The following INPP1 variants were observed in gnomAD, a reference collection of about 807,000 sequenced individuals.
The protein encoded by INPP1 is inositol polyphosphate-1-phosphatase, also known as inositol polyphosphate 1-phosphatase.
INPP1 carries 18 observed loss-of-function variants against 23.0 expected under a neutral mutation model. The ratio of observed to expected loss-of-function variants is 0.78; its 90% CI spans 0.54 to 1.16. INPP1 has a LOEUF of 1.16. Ranked by LOEUF, INPP1 falls within the 50% of genes most tolerant of loss-of-function variation. The pLI, the probability that INPP1 is intolerant of heterozygous loss-of-function variation, is 0.00. For missense variants in INPP1, 448 were observed against 482.1 expected, an observed-to-expected ratio of 0.93 and a Z score of 0.66; for synonymous variants, 164 against 176.3, an observed-to-expected ratio of 0.93 and a Z score of 0.55.
At chr2:190,366,335 CTCTG>C (rs1483749268) in intron 4 of INPP1, among the ~76,000 whole-genome samples, 3 of 151,524 alleles carry the variant, frequency 2.0e-5, no homozygotes, top group East Asian at 3.9e-4. Context: ...CACTCTCTCG[CTCTG>C]TCTCTCTCTT....
chr2:190,371,324 A>C lies in INPP1; in HGVS notation c.1122A>C (p.Ala374=). The C allele has an allele frequency of 2.5e-6, 4 of 1,588,832 alleles. No homozygotes were observed. The highest frequency in any genetic ancestry group is 3.4e-6 in the Non-Finnish European group (4 of 1,166,350). The part of the protein sequence containing the change: ...DRWANKGGLI[A]YRSRKRLETF... ...GGGCCAACAAGGGAGGACTCATTGC[A>C]TACAGATCCAGGAAGCGGCTGGAGA... Residue 374 remains alanine, a synonymous_variant, in exon 7 of 7, where the codon GCA becomes GCC. Transcript: ENST00000392329. This position sits in a 1 kb window ranked among gnomAD's most constrained non-coding sequence, Gnocchi z 5.3.
intron 4 of INPP1, among the ~76,000 whole-genome samples, chr2:190,364,275 C>G (rs576721071): frequency 1.3e-5 from 2 of 152,152 alleles, no homozygotes; most frequent in Admixed American, 1.3e-4. Context: ...CGCGGTGGCT[C>G]ACGCCTGTAA....
intron 4 of INPP1, among the ~76,000 whole-genome samples, chr2:190,364,412 G>A (rs1689597470): frequency 6.6e-6 from 1 of 151,768 alleles, no homozygotes; most frequent in Non-Finnish European, 1.5e-5. Context: ...CGTGGTGGCG[G>A]GCGCCTGTAG....
In INPP1 at chr2:190,351,728, G is replaced by T. The variant is rs564681195; in HGVS notation, c.-65+2697G>T. Among the ~76,000 whole-genome samples the T allele has an allele frequency of 3.3e-5, 5 of 152,140 alleles. No homozygotes were observed. The East Asian group carries it at 9.6e-4, about 29-fold the overall frequency. ...CCATTTTACTATTGATGCTTGTTTG[G>T]GTTATTACCAATGTTAGATTATTAC... On this transcript the variant is annotated intron_variant, in intron 2 of 6. Transcript: ENST00000392329.
chr2:190,360,280 G>A lies in INPP1; in HGVS notation c.178G>A (p.Val60Ile). The change falls in exon 3 of 7, where the codon GTT becomes ATT. Residue 60 changes from valine (V) to isoleucine (I), a missense_variant. Transcript: ENST00000392329. ...KTLADVLVQE[V>I]IKQNMENKFP... The stretch of plus-strand genomic sequence containing the variant: ...GCTGGCTGATGTACTGGTACAGGAA[G>A]TTATAAAACAGAATATGGAGAACAA... 6.2e-7 allele frequency: 1 copy of A among 1,614,174 alleles called. No individual in the cohort carries two copies.
chr2:190,356,527 AGCATTTGT>A lies in INPP1; in HGVS notation c.-64-3509_-64-3502del, dbSNP rs1261125494. The A allele has an allele frequency of 6.6e-6, 1 of 152,198 alleles. No homozygotes were observed. Among genetic ancestry groups the A allele is most frequent in the African/African-American group, 2.4e-5 (1 of 41,446 alleles). The allele number at this position is 152,198 out of a possible 1,614,324, so 9.4% of individuals were successfully genotyped here. A position where few individuals can be genotyped will look rare whatever the true frequency, so the allele number is the denominator to read the frequency against. On this transcript the variant is annotated intron_variant, in intron 2 of 6. Transcript: ENST00000392329. This position sits in a 1 kb window ranked among gnomAD's most constrained non-coding sequence, Gnocchi z 6.4. ...AAGAGGACAAATTCCAGATTACTGC[AGCATTTGT>A]GCTGAAACTCACCAGGGTTAAATTG...
chr2:190,371,252 G>A lies in INPP1; in HGVS notation c.1050G>A (p.Gln350=). The A allele has an allele frequency of 6.2e-7, 1 of 1,612,982 alleles. No homozygotes were observed. The highest frequency in any genetic ancestry group is 8.5e-7 in the Non-Finnish European group (1 of 1,179,252). ...RNPETGLDLP[Q]LVYHVENEGA... ...CAGAAACAGGGCTTGATTTGCCACAGTTGGTGTACCACGTGGAAAATGAGG... is the reference window on the plus strand; with the variant it reads ...CAGAAACAGGGCTTGATTTGCCACAATTGGTGTACCACGTGGAAAATGAGG... The change falls in exon 7 of 7, where the codon CAG becomes CAA. Residue 350 remains glutamine, a synonymous_variant. Coordinates refer to ENST00000392329, the MANE Select transcript of INPP1 (RefSeq NM_001128928.2). The surrounding 1 kb of genome is among the most constrained non-coding windows in gnomAD (Gnocchi z 5.3).
rs2067404 is a variant in INPP1, at chr2:190,360,201, C to A, written c.99C>A (p.Ile33=). The A allele has an allele frequency of 8.1e-6, 13 of 1,613,936 alleles. No individual in the cohort carries two copies. The highest frequency in any genetic ancestry group is 1.1e-5 in the Non-Finnish European group (13 of 1,180,028). ...RQQEALFQLL[I]EEKKEGEKNK... ...AGGAAGCCCTCTTCCAGCTGCTGATCGAAGAAAAGAAAGAGGGAGAAAAGA... is the reference window on the plus strand; with the variant it reads ...AGGAAGCCCTCTTCCAGCTGCTGATAGAAGAAAAGAAAGAGGGAGAAAAGA... Residue 33 remains isoleucine (I), a synonymous_variant, in exon 3 of 7, where the codon ATC becomes ATA. Transcript: ENST00000392329.
chr2:190,361,874 A>G (rs796118384), intron 3 of INPP1, among the ~76,000 whole-genome samples: 16 of 152,356 alleles, frequency 1.1e-4, no homozygotes, highest in African/African-American at 3.6e-4. Context: ...CCGAGTTCAA[A>G]TATTTGAAGC....
intron 5 of INPP1, 68 bp from the exon 6 acceptor site, chr2:190,369,035 A>C (rs1030434795): frequency 1.7e-5 from 15 of 881,244 alleles, no homozygotes; most frequent in Non-Finnish European, 2.5e-5. Flanking sequence ...AGAAGAGAGA[A>C]GTCATATGGA....
chr2:190,352,546 A>G lies in INPP1; in HGVS notation c.-65+3515A>G, dbSNP rs1371088248. ...CCTCACAGGAATCTCAGGGGAGGCTACCATTAGCAAGTGACACAACACAGC... is the reference window on the plus strand; with the variant it reads ...CCTCACAGGAATCTCAGGGGAGGCTGCCATTAGCAAGTGACACAACACAGC... On this transcript the variant is annotated intron_variant, in intron 2 of 6. Transcript: ENST00000392329. The surrounding 1 kb of genome is among the most constrained non-coding windows in gnomAD (Gnocchi z 4.7). 6.6e-6 allele frequency among the ~76,000 whole-genome samples: 1 copy of G among 152,186 alleles called. No individual in the cohort carries two copies. The highest frequency in any genetic ancestry group is 1.5e-5 in the Non-Finnish European group (1 of 68,014).
chr2:190,350,286 T>C (rs1462654586), intron 2 of INPP1, among the ~76,000 whole-genome samples: 1 of 152,218 alleles, frequency 6.6e-6, no homozygotes, highest in Non-Finnish European at 1.5e-5. Flanking sequence ...TTTCCGAGCA[T>C]TTAATTTACT....
At chr2:190,353,001 G>A (rs900051068) in intron 2 of INPP1, among the ~76,000 whole-genome samples, 2 of 152,208 alleles carry the variant, frequency 1.3e-5, no homozygotes, top group African/African-American at 2.4e-5. Flanking sequence ...GGGCAAAAAT[G>A]TGTACTCTGT....
intron 2 of INPP1, among the ~76,000 whole-genome samples, chr2:190,350,572 C>G (rs984997705): frequency 6.6e-6 from 1 of 152,174 alleles, no homozygotes; most frequent in Non-Finnish European, 1.5e-5. Context: ...TAGCCTATTG[C>G]TTTGAGCAGC....
chr2:190,348,560 A>G (rs563554753), intron 1 of INPP1, among the ~76,000 whole-genome samples: 2 of 152,284 alleles, frequency 1.3e-5, no homozygotes, highest in African/African-American at 4.8e-5. Flanking sequence ...CTCTCTTCCC[A>G]GCCCTAGTAA....
Position 190,359,962 on chromosome 2 carries a change from G to A in INPP1, c.-64-77G>A, listed in dbSNP as rs1689502422. 5 of 724,584 alleles carry A rather than the reference G, an allele frequency of 6.9e-6. No homozygotes were observed. In the South Asian group the frequency reaches 9.0e-5, roughly 13 times the overall value. 44.9% of individuals were successfully genotyped at this position (724,584 alleles called of 1,614,324 possible). ...GGCTGACCAGGTTGACTGCCAAATG[G>A]GTTGTTAGTAGTGCCAGAGGCACCC... On this transcript the variant is annotated intron_variant, in intron 2 of 6. Transcript: ENST00000392329.
chr2:190,370,893 C>G lies in INPP1; in HGVS notation c.691C>G (p.His231Asp), dbSNP rs1282181023. ...CCTTTCTTACATGGGGACCAACATG[C>G]ATTCACTACAGCTCACCATCTCTAG... Reference protein sequence around the residue: ...WGLSYMGTNMHSLQLTISRRN... With the variant: ...WGLSYMGTNMDSLQLTISRRN... The change falls in exon 7 of 7, where the codon CAT (histidine) becomes GAT (aspartate). Residue 231 changes from histidine to aspartate, a missense_variant. Physicochemically the swap from His to Asp is moderately conservative, Grantham distance 81. Coordinates refer to ENST00000392329, the MANE Select transcript of INPP1 (RefSeq NM_001128928.2). 6 of 1,614,012 alleles carry G rather than the reference C, an allele frequency of 3.7e-6. No individual in the cohort carries two copies. The highest frequency in any genetic ancestry group is 4.2e-6 in the Non-Finnish European group (5 of 1,179,944).
At position 190,355,108 on chromosome 2, in the gene INPP1, C is replaced by T. The variant is rs1425112462; in HGVS notation, c.-64-4931C>T. Among the ~76,000 whole-genome samples, 1 of 152,072 alleles carries T rather than the reference C, an allele frequency of 6.6e-6. No homozygotes were observed. The highest frequency in any genetic ancestry group is 1.5e-5 in the Non-Finnish European group (1 of 68,018). On this transcript the variant is annotated intron_variant, in intron 2 of 6. Transcript: ENST00000392329. This position sits in a 1 kb window ranked among gnomAD's most constrained non-coding sequence, Gnocchi z 5.1. The stretch of plus-strand genomic sequence containing the variant: ...AACAGTGGGGGCTTCTGCCAGCTTG[C>T]CTAGGTTTGAATCTTGTCCCACAAC...
At chr2:190,348,438 C>T (rs1250047999) in intron 1 of INPP1, among the ~76,000 whole-genome samples, 1 of 152,088 alleles carries the variant, frequency 6.6e-6, no homozygotes, top group Non-Finnish European at 1.5e-5. Flanking sequence ...CAAATTACAG[C>T]TCAGTGGCAT....
Sources: allele counts gnomAD v4.1 joint callset (sites outside exome capture counted in the v4.1 genomes callset), GRCh38; gene constraint gnomAD v4.1.1; non-coding constraint Gnocchi (gnomAD v3.1); transcripts MANE v1.5; gene names NCBI Gene and HGNC (gene_info 2026-07-23, HGNC 2026-07-21).